Variants in CDH23 observed in about 807,000 individuals in gnomAD.
CDH23 encodes the protein cadherin-23.
In CDH23, 189 loss-of-function variants were observed where a neutral mutation model predicts 317.1. That is an observed-to-expected ratio of 0.60 (90% confidence interval 0.53 to 0.67). The LOEUF (loss-of-function observed/expected upper bound fraction) is 0.67, where lower values mean the gene tolerates loss of function less well. Among genes scored for constraint, CDH23 ranks in the 30% least tolerant of loss-of-function variants. CDH23 has a pLI of 0.00. For missense variants in CDH23, 4,401 were observed against 4,592.4 expected (o/e 0.96, Z 1.20); for synonymous variants, 1,839 against 1,876.8 (o/e 0.98, Z 0.52).
At chr10:71,501,074 G>A (rs1853304737) in intron 3 of CDH23, among the ~76,000 whole-genome samples, 1 of 151,952 alleles carries the variant, frequency 6.6e-6, no homozygotes, top group African/African-American at 2.4e-5. Flanking sequence ...AACCATGTTG[G>A]CCAGGCTGGT....
chr10:71,810,648 C>G (rs1173653837), intron 62 of CDH23, 79 bp downstream of exon 62: 1 of 1,289,282 alleles, frequency 7.8e-7, no homozygotes, highest in African/African-American at 1.5e-5. Flanking sequence ...AGGGGACACA[C>G]CAAAGGAGAC....
chr10:71,689,798 T>A (rs1349401686), intron 19 of CDH23, among the ~76,000 whole-genome samples: 1 of 152,160 alleles, frequency 6.6e-6, no homozygotes, highest in African/African-American at 2.4e-5. Context: ...GGGTCCAGTC[T>A]GGGTGTGAAG....
chr10:71,568,249 G>A (rs719385), intron 7 of CDH23, among the ~76,000 whole-genome samples: 48,533 of 152,108 alleles, frequency 0.32, 9,618 homozygotes, highest in African/African-American at 0.56. Flanking sequence ...TGACCTCAGA[G>A]GTCAAGGGGA....
Position 71,807,933 on chromosome 10 carries a change from A to C in CDH23, c.8648A>C (p.Tyr2883Ser), listed in dbSNP as rs1447857170. 6.2e-7 allele frequency: 1 copy of C among 1,603,132 alleles called. No homozygotes were observed. The highest frequency in any genetic ancestry group is 1.7e-5 in the Admixed American group (1 of 58,440). The change falls in exon 60 of 70, where the codon TAC becomes TCC. Residue 2883 changes from tyrosine (Y) to serine (S), a missense_variant. By Grantham distance (144) the Tyr-to-Ser change is moderately radical. Around this residue, in one of 3 missense-constraint regions of CDH23, gnomAD observed 1,144 missense variants for 1,138.2 expected, o/e 1.01. Transcript: ENST00000224721. ...ATTGGCAACAACAGCCTTGTCTTCT[A>C]CAGCATTCTGGCCATCCACTACTTC... is the stretch of plus-strand genomic sequence containing the variant. The part of the protein sequence containing the change: ...ADIGNNSLVF[Y>S]SILAIHYFRA...
At chr10:71,670,668 C>T (rs547558290) in intron 14 of CDH23, among the ~76,000 whole-genome samples, 1 of 152,260 alleles carries the variant, frequency 6.6e-6, no homozygotes, top group South Asian at 2.1e-4. Flanking sequence ...AACACTAAGC[C>T]CAACCAGACT....
intron 23 of CDH23, 33 bp downstream of exon 23, chr10:71,702,244 CACCTT>C (rs1275580591): frequency 6.2e-7 from 1 of 1,600,614 alleles, no homozygotes; most frequent in African/African-American, 1.3e-5. Context: ...ACGGCCCCCA[CACCTT>C]AGGCTGCGGG....
At chr10:71,413,097 G>T (rs767302733) in intron 1 of CDH23, among the ~76,000 whole-genome samples, 6 of 152,118 alleles carry the variant, frequency 3.9e-5, no homozygotes, top group African/African-American at 7.2e-5. Flanking sequence ...CATCTAAGAA[G>T]TTTATAGTTG....
intron 14 of CDH23, chr10:71,646,884 G>C: frequency 2.1e-6 from 3 of 1,431,334 alleles, no homozygotes; most frequent in Non-Finnish European, 2.7e-6. Flanking sequence ...TTCCCCGAGA[G>C]AGACTCAGTG....
rs572836934 is a variant in CDH23, at chr10:71,790,931, G to A, written c.6050-201G>A. 8.3e-5 allele frequency: 50 copies of A among 600,616 alleles called. No individual in the cohort carries two copies. In the African/African-American group the frequency reaches 8.3e-4, roughly 10 times the overall value. 37.2% of individuals were successfully genotyped at this position (600,616 alleles called of 1,614,324 possible). On this transcript the variant is annotated intron_variant, in intron 46 of 69. Coordinates refer to ENST00000224721, the MANE Select transcript of CDH23 (RefSeq NM_022124.6). ...GGCACCTGCAGAGGGGACAACCACA[G>A]GAAATGCATGGGGCCCTCCCTCAGC...
At chr10:71,710,762 G>T (rs1048329233) in intron 27 of CDH23, among the ~76,000 whole-genome samples, 12 of 152,230 alleles carry the variant, frequency 7.9e-5, no homozygotes, top group Non-Finnish European at 1.2e-4. Context: ...CCCATGCAAG[G>T]GCCTGGAGGT....
chr10:71,646,611 A>C lies in CDH23; in HGVS notation c.1443A>C (p.Thr481=), dbSNP rs1187671965. ...TCACCGTGGGGACCTCTGTGCTGAC[A>C]GTCCTGGTGAGTCCCCGCTTCACTG... ...ENVTVGTSVL[T]VLATDNDAGT... Residue 481 remains threonine, a synonymous_variant, in exon 14 of 70, where the codon ACA becomes ACC. Transcript: ENST00000224721. 2 of 1,614,016 alleles carry C rather than the reference A, an allele frequency of 1.2e-6. No homozygotes were observed. The highest frequency in any genetic ancestry group is 1.7e-6 in the Non-Finnish European group (2 of 1,179,886).
At chr10:71,704,381 A>C (rs1306123960) in intron 24 of CDH23, among the ~76,000 whole-genome samples, 1 of 152,242 alleles carries the variant, frequency 6.6e-6, no homozygotes, top group Non-Finnish European at 1.5e-5. Flanking sequence ...GTGCATGGCC[A>C]CAAACAGTTT....
intron 28 of CDH23, among the ~76,000 whole-genome samples, chr10:71,720,003 G>T (rs987092299): frequency 6.6e-6 from 1 of 152,248 alleles, no homozygotes; most frequent in Non-Finnish European, 1.5e-5. Flanking sequence ...GAGACGCAGG[G>T]GGAGGGTTTT....
chr10:71,577,064 C>T (rs1439245267), intron 8 of CDH23, among the ~76,000 whole-genome samples: 3 of 152,272 alleles, frequency 2.0e-5, no homozygotes, highest in Non-Finnish European at 4.4e-5. Context: ...GCCATCTGTA[C>T]GACCATTCGC....
chr10:71,547,425 C>T (rs887694867), intron 6 of CDH23, among the ~76,000 whole-genome samples: 2 of 152,192 alleles, frequency 1.3e-5, no homozygotes, highest in Non-Finnish European at 2.9e-5. Flanking sequence ...TCAGTGAAGC[C>T]GAGAAGGGCA....
intron 34 of CDH23, among the ~76,000 whole-genome samples, chr10:71,737,457 A>G (rs1048721175): frequency 1.3e-5 from 2 of 152,224 alleles, no homozygotes. Context: ...CTGCCTACAG[A>G]TAGGGGAGTG....
At chr10:71,677,044 G>A (rs573681520) in intron 15 of CDH23, among the ~76,000 whole-genome samples, 19 of 152,226 alleles carry the variant, frequency 1.2e-4, no homozygotes, top group African/African-American at 4.3e-4. Flanking sequence ...TCCCAAAAGC[G>A]GACCAACCAC....
In CDH23 at chr10:71,704,995, A is replaced by G. The variant is rs774743299; in HGVS notation, c.2818A>G (p.Ile940Val). 1.2e-6 allele frequency: 2 copies of G among 1,612,668 alleles called. No homozygotes were observed. The highest frequency in any genetic ancestry group is 1.7e-5 in the Admixed American group (1 of 60,012). Reference protein sequence around the residue: ...PVGMPRMDFLINSSSGVVVTT... With the variant: ...PVGMPRMDFLVNSSSGVVVTT... ...GGGCATGCCCCGCATGGACTTCCTC[A>G]TCAACAGCAGCAGCGGCGTGGTGGT... is the stretch of plus-strand genomic sequence containing the variant. Residue 940 changes from isoleucine to valine, a missense_variant, in exon 25 of 70, where the codon ATC becomes GTC. Coordinates refer to ENST00000224721, the MANE Select transcript of CDH23 (RefSeq NM_022124.6).
At chr10:71,611,422 G>T (rs76413067) in intron 9 of CDH23, among the ~76,000 whole-genome samples, 2 of 152,334 alleles carry the variant, frequency 1.3e-5, no homozygotes, top group African/African-American at 4.8e-5. Flanking sequence ...GGTTGGCTCA[G>T]TGTCACTGCT....
Sources: gnomAD v4.1 joint callset for allele counts (sites outside exome capture counted in the v4.1 genomes callset) on GRCh38, gnomAD v4.1.1 for gene constraint, gnomAD v4.1.1 regional missense constraint, MANE v1.5 for transcripts, NCBI Gene and HGNC (gene_info 2026-07-23, HGNC 2026-07-21) for gene names.